The following FSTL4 variants were observed in gnomAD, a reference collection of about 807,000 sequenced individuals.
FSTL4 encodes follistatin like 4.
FSTL4 carries 28 observed loss-of-function variants against 78.2 expected under a neutral mutation model. The observed-to-expected ratio is 0.36, with a 90% CI of 0.27 to 0.49. The LOEUF (loss-of-function observed/expected upper bound fraction) is 0.49, where lower values mean the gene tolerates loss of function less well. Among genes scored for constraint, FSTL4 ranks in the 20% least tolerant of loss-of-function variants. FSTL4 has a pLI of 0.98. For missense variants in FSTL4, 922 were observed against 1,084.9 expected, an observed-to-expected ratio of 0.85 and a Z score of 2.11; for synonymous variants, 422 against 440.5, an observed-to-expected ratio of 0.96 and a Z score of 0.53.
chr5:133,353,794 G>A (rs1320527448), intron 4 of FSTL4, among the ~76,000 whole-genome samples: 1 of 152,228 alleles, frequency 6.6e-6, no homozygotes, highest in Non-Finnish European at 1.5e-5. Flanking sequence ...TGCCTGCGGG[G>A]CTTTGTTCAC....
chr5:133,327,513 T>C (rs1268483761), intron 4 of FSTL4, among the ~76,000 whole-genome samples: 1 of 152,120 alleles, frequency 6.6e-6, no homozygotes, highest in African/African-American at 2.4e-5. Context: ...CTACCAGGGA[T>C]TAAATCAGAA....
chr5:133,555,114 A>C (rs1030408043), intron 3 of FSTL4, among the ~76,000 whole-genome samples: 1 of 152,236 alleles, frequency 6.6e-6, no homozygotes, highest in Non-Finnish European at 1.5e-5. Flanking sequence ...TCAAGTGATA[A>C]TTAAACCTCA....
At chr5:133,529,342 G>A (rs1016966537) in intron 3 of FSTL4, among the ~76,000 whole-genome samples, 1 of 152,174 alleles carries the variant, frequency 6.6e-6, no homozygotes, top group African/African-American at 2.4e-5. Flanking sequence ...TGGGGAACTA[G>A]CATTCATCAC....
chr5:133,537,679 TATC>T (rs1357419529), intron 3 of FSTL4, among the ~76,000 whole-genome samples: 2 of 152,024 alleles, frequency 1.3e-5, no homozygotes, highest in East Asian at 3.8e-4. Flanking sequence ...TTTATTTTGA[TATC>T]ATTTCAAACT....
the FSTL4 span, among the ~76,000 whole-genome samples, chr5:133,783,144 TCA>T: frequency 1.3e-5 from 2 of 152,118 alleles, no homozygotes; most frequent in African/African-American, 2.4e-5. Context: ...TCCCAAGTGC[TCA>T]CAGTTTTTGC....
chr5:133,355,432 T>C (rs1249682236), intron 4 of FSTL4, among the ~76,000 whole-genome samples: 1 of 151,748 alleles, frequency 6.6e-6, no homozygotes, highest in Non-Finnish European at 1.5e-5. Flanking sequence ...CCAAGGCGGG[T>C]GGATCATGAG....
the FSTL4 span, among the ~76,000 whole-genome samples, chr5:133,708,330 C>G: frequency 6.6e-6 from 1 of 152,182 alleles, no homozygotes; most frequent in South Asian, 2.1e-4. Flanking sequence ...TGGCAACGCC[C>G]TTTTCATCTC....
At chr5:133,598,076 C>T (rs1340674291) in intron 2 of FSTL4, among the ~76,000 whole-genome samples, 3 of 152,162 alleles carry the variant, frequency 2.0e-5, no homozygotes, top group African/African-American at 7.2e-5. Context: ...CATCACCTAC[C>T]TGCCCACTAA....
At chr5:133,678,560 A>AGG in the FSTL4 span, among the ~76,000 whole-genome samples, 1 of 139,824 alleles carries the variant, frequency 7.2e-6, no homozygotes, top group Non-Finnish European at 1.6e-5. Context: ...TCTGTGTTTG[A>AGG]GCGTGTGTGT....
chr5:133,707,195 G>A, the FSTL4 span, among the ~76,000 whole-genome samples: 3 of 152,152 alleles, frequency 2.0e-5, no homozygotes, highest in African/African-American at 7.2e-5. Flanking sequence ...CCTGTGGCAG[G>A]ATTTGTTTAT....
intron 3 of FSTL4, among the ~76,000 whole-genome samples, chr5:133,476,382 A>G (rs907395924): frequency 6.6e-6 from 1 of 152,226 alleles, no homozygotes; most frequent in African/African-American, 2.4e-5. Flanking sequence ...CATGGCTGAC[A>G]TGGGCTTGAC....
At chr5:133,833,522 C>T in the FSTL4 span, among the ~76,000 whole-genome samples, 1 of 152,198 alleles carries the variant, frequency 6.6e-6, no homozygotes, top group African/African-American at 2.4e-5. Context: ...CATGACCTTT[C>T]TTTTCCTTCT....
chr5:133,650,937 T>C, the FSTL4 span, among the ~76,000 whole-genome samples: 1 of 152,370 alleles, frequency 6.6e-6, no homozygotes, highest in South Asian at 2.1e-4. Flanking sequence ...TTTTGTAGTT[T>C]TCCTCATACA....
intron 2 of FSTL4, among the ~76,000 whole-genome samples, chr5:133,597,124 G>A (rs1363819866): frequency 6.6e-6 from 1 of 152,064 alleles, no homozygotes; most frequent in Non-Finnish European, 1.5e-5. Context: ...TCTAGTTCCA[G>A]TATGCTCCAC....
the FSTL4 span, among the ~76,000 whole-genome samples, chr5:133,750,881 A>G: frequency 1.5e-3 from 229 of 152,220 alleles, no homozygotes; most frequent in African/African-American, 5.1e-3. Flanking sequence ...TATGCTGACC[A>G]AGGTCAGAAG....
In FSTL4 at chr5:133,526,627, G is replaced by A. The variant is rs569069657; in HGVS notation, c.160+40559C>T. ...ACACACTCCAACCCCAACTGAGCTGGCCAGTGGTGAGAAGATAACATTTGC... is the reference window on the plus strand; with the variant it reads ...ACACACTCCAACCCCAACTGAGCTGACCAGTGGTGAGAAGATAACATTTGC... On this transcript the variant is annotated intron_variant, in intron 3 of 15. Transcript: ENST00000265342. 1.3e-5 allele frequency among the ~76,000 whole-genome samples: 2 copies of A among 152,262 alleles called. 1 individual carries two copies. The highest frequency in any genetic ancestry group is 4.1e-4 in the South Asian group (2 of 4,822).
chr5:133,510,713 C>T (rs1580755559), intron 3 of FSTL4, among the ~76,000 whole-genome samples: 1 of 151,960 alleles, frequency 6.6e-6, no homozygotes, highest in African/African-American at 2.4e-5. Context: ...TTACTGAGAG[C>T]GCTCTCTTCA....
chr5:133,768,686 C>T, the FSTL4 span, among the ~76,000 whole-genome samples: 1 of 152,206 alleles, frequency 6.6e-6, no homozygotes, highest in Non-Finnish European at 1.5e-5. Flanking sequence ...CCACTGCTGA[C>T]CTGGAAGATC....
the FSTL4 span, among the ~76,000 whole-genome samples, chr5:133,623,189 A>G: frequency 1.3e-5 from 2 of 152,036 alleles, no homozygotes; most frequent in East Asian, 3.8e-4. Flanking sequence ...AGAAATTGCA[A>G]GTGTCCCTGA....
Sources: gnomAD v4.1 joint callset for allele counts (sites outside exome capture counted in the v4.1 genomes callset) on GRCh38, gnomAD v4.1.1 for gene constraint, MANE v1.5 for transcripts, NCBI Gene and HGNC (gene_info 2026-07-23, HGNC 2026-07-21) for gene names.